Variants in GMDS observed in about 807,000 individuals in gnomAD.
The protein encoded by GMDS is GDP-mannose 4,6-dehydratase.
Under a neutral mutation model 49.9 loss-of-function variants are expected in GMDS, and 20 were observed. The ratio of observed to expected loss-of-function variants is 0.40; its 90% CI spans 0.28 to 0.58. The LOEUF (loss-of-function observed/expected upper bound fraction) is 0.58. Among genes scored for constraint, GMDS ranks in the 20% least tolerant of loss-of-function variants. The pLI, the probability that GMDS is intolerant of heterozygous loss-of-function variation, is 0.42. For missense variants in GMDS, 362 were observed against 481.4 expected, an observed-to-expected ratio of 0.75 and a Z score of 2.32; for synonymous variants, 177 against 178.6, an observed-to-expected ratio of 0.99 and a Z score of 0.07.
chr6:2,040,863 G>A (rs956981739), intron 4 of GMDS, among the ~76,000 whole-genome samples: 1 of 152,234 alleles, frequency 6.6e-6, no homozygotes, highest in African/African-American at 2.4e-5. Context: ...TCACACTTGT[G>A]TAGACTGTCT....
chr6:1,992,700 T>C (rs147291230), intron 4 of GMDS, among the ~76,000 whole-genome samples: 2 of 152,198 alleles, frequency 1.3e-5, no homozygotes, highest in East Asian at 1.9e-4. Context: ...TAAAAGAATA[T>C]ATAACTTGCT....
chr6:1,969,175 T>C (rs947688719), intron 4 of GMDS, among the ~76,000 whole-genome samples: 3 of 131,922 alleles, frequency 2.3e-5, no homozygotes, highest in Non-Finnish European at 4.7e-5. Flanking sequence ...GGCAGGAGAA[T>C]GGTGTGAACC....
chr6:2,018,997 T>C (rs1283001024), intron 4 of GMDS, among the ~76,000 whole-genome samples: 1 of 152,026 alleles, frequency 6.6e-6, no homozygotes, highest in Admixed American at 6.6e-5. Flanking sequence ...CATCAACGCT[T>C]GGTACTGTCT....
chr6:1,673,753 C>T (rs142447994), intron 9 of GMDS, among the ~76,000 whole-genome samples: 180 of 152,110 alleles, frequency 1.2e-3, no homozygotes, highest in Non-Finnish European at 4.0e-4. Context: ...TCCATAGTTT[C>T]GCCTTTCCCA....
chr6:1,872,817 C>G (rs1758842440), intron 7 of GMDS, among the ~76,000 whole-genome samples: 1 of 152,252 alleles, frequency 6.6e-6, no homozygotes, highest in African/African-American at 2.4e-5. Context: ...GCACATATGG[C>G]AGTCAGGAAT....
At position 2,156,922 on chromosome 6, in the gene GMDS, C is replaced by T. The variant is rs1581724811; in HGVS notation, c.103-32191G>A. 3.9e-5 allele frequency among the ~76,000 whole-genome samples: 6 copies of T among 152,182 alleles called. No homozygotes were observed. In the South Asian group the frequency reaches 8.3e-4, roughly 21 times the overall value. ...GCCACAGTTTTCTCTGTACATATTG[C>T]TAAATTCATTGAACATAAAACTATC... On this transcript the variant is annotated intron_variant, in intron 1 of 10. Transcript: ENST00000380815.
chr6:2,235,789 G>T (rs1323239909), intron 1 of GMDS, among the ~76,000 whole-genome samples: 2 of 149,510 alleles, frequency 1.3e-5, no homozygotes, highest in Non-Finnish European at 3.0e-5. Context: ...TCCAGCCTGA[G>T]CAAGACCCTT....
chr6:1,805,881 T>G (rs964273443), intron 7 of GMDS, among the ~76,000 whole-genome samples: 1 of 152,218 alleles, frequency 6.6e-6, no homozygotes, highest in Non-Finnish European at 1.5e-5. Flanking sequence ...TTGGAGAAAC[T>G]CTGGTATAAG....
chr6:2,097,810 C>T (rs1773694560), intron 4 of GMDS, among the ~76,000 whole-genome samples: 1 of 152,098 alleles, frequency 6.6e-6, no homozygotes, highest in South Asian at 2.1e-4. Context: ...AAGGCAATTA[C>T]CAGTCTACAT....
chr6:1,938,782 A>G (rs1270793890), intron 6 of GMDS, among the ~76,000 whole-genome samples: 1 of 152,012 alleles, frequency 6.6e-6, no homozygotes, highest in Non-Finnish European at 1.5e-5. Context: ...ATATTAGACT[A>G]CTACTTTTAC....
chr6:1,735,763 A>G (rs778665592), intron 8 of GMDS, among the ~76,000 whole-genome samples: 11 of 152,186 alleles, frequency 7.2e-5, no homozygotes, highest in Non-Finnish European at 1.3e-4. Context: ...AACTCCAATC[A>G]TGATTGTGAG....
chr6:1,998,928 C>A, intron 4 of GMDS, among the ~76,000 whole-genome samples: 1 of 151,902 alleles, frequency 6.6e-6, no homozygotes. Flanking sequence ...CAAGATATTA[C>A]TTGGGAAATA....
chr6:1,850,265 T>G (rs1042033646), intron 7 of GMDS, among the ~76,000 whole-genome samples: 1 of 152,242 alleles, frequency 6.6e-6, no homozygotes, highest in Admixed American at 6.5e-5. Context: ...TGGTTTCGCT[T>G]CAGTGTCTAT....
intron 8 of GMDS, among the ~76,000 whole-genome samples, chr6:1,732,855 C>G (rs549419067): frequency 6.6e-6 from 1 of 152,132 alleles, no homozygotes; most frequent in East Asian, 1.9e-4. Flanking sequence ...GCTGGGGTAA[C>G]TGGACAAAAA....
intron 7 of GMDS, among the ~76,000 whole-genome samples, chr6:1,760,240 G>T (rs890305482): frequency 2.0e-5 from 3 of 152,234 alleles, no homozygotes; most frequent in African/African-American, 7.2e-5. Context: ...ATTTCTTTGA[G>T]TTGGTTTCTG....
At chr6:1,895,527 C>T (rs1760118926) in intron 7 of GMDS, among the ~76,000 whole-genome samples, 3 of 152,210 alleles carry the variant, frequency 2.0e-5, no homozygotes. Flanking sequence ...ATAGGCCACA[C>T]TCAAGTGCTC....
intron 7 of GMDS, among the ~76,000 whole-genome samples, chr6:1,914,815 TG>T (rs1448780003): frequency 2.0e-5 from 3 of 152,240 alleles, no homozygotes; most frequent in Admixed American, 2.0e-4. Flanking sequence ...ATCCAGCCAC[TG>T]GGCCTCCCTG....
intron 9 of GMDS, among the ~76,000 whole-genome samples, chr6:1,699,977 AG>A (rs1765485297): frequency 6.6e-6 from 1 of 152,222 alleles, no homozygotes; most frequent in South Asian, 2.1e-4. Context: ...CTCCAGGCCC[AG>A]GTGAGGAGAA....
chr6:2,052,880 AAG>A (rs978157369), intron 4 of GMDS, among the ~76,000 whole-genome samples: 1 of 152,152 alleles, frequency 6.6e-6, no homozygotes, highest in African/African-American at 2.4e-5. Context: ...AAACAATAGA[AAG>A]AGCCTCTGTC....
Sources: allele counts gnomAD v4.1 joint callset (sites outside exome capture counted in the v4.1 genomes callset), GRCh38; gene constraint gnomAD v4.1.1; transcripts MANE v1.5; gene names NCBI Gene and HGNC (gene_info 2026-07-23, HGNC 2026-07-21).